The following FANCI variants were observed in gnomAD, a reference collection of about 807,000 sequenced individuals.
FANCI encodes FA complementation group I, also known as Fanconi anemia group I protein.
FANCI carries 156 observed loss-of-function variants against 176.1 expected under a neutral mutation model. That is an observed-to-expected ratio of 0.89 (90% CI 0.78 to 1.01). The LOEUF is 1.01. Among genes scored for constraint, FANCI ranks in the 50% least tolerant of loss-of-function variants. The pLI is 0.00. For synonymous variants in FANCI, 613 were observed against 541.7 expected, an observed-to-expected ratio of 1.13 and a Z score of -1.83; for missense variants, 1,678 against 1,534.1, an observed-to-expected ratio of 1.09 and a Z score of -1.57.
At chr15:89,254,571 A>G (rs2052412592) in intron 2 of FANCI, among the ~76,000 whole-genome samples, 1 of 152,168 alleles carries the variant, frequency 6.6e-6, no homozygotes, top group Non-Finnish European at 1.5e-5. Flanking sequence ...TGGGAGTTCG[A>G]GGACGGAGGA....
chr15:89,283,404 T>A (rs1347818380), intron 17 of FANCI, among the ~76,000 whole-genome samples, 154 bp downstream of exon 17: 2 of 152,208 alleles, frequency 1.3e-5, no homozygotes, highest in African/African-American at 4.8e-5. Context: ...ATGATGATGA[T>A]GATGATATTG....
intron 24 of FANCI, among the ~76,000 whole-genome samples, chr15:89,296,039 C>G (rs959189681): frequency 6.6e-6 from 1 of 152,166 alleles, no homozygotes; most frequent in Non-Finnish European, 1.5e-5. Context: ...GTGATCTTGG[C>G]TTACTGCAAC....
chr15:89,255,013 C>G (rs1267653029), intron 2 of FANCI, among the ~76,000 whole-genome samples: 2 of 152,188 alleles, frequency 1.3e-5, no homozygotes, highest in Non-Finnish European at 2.9e-5. Flanking sequence ...TATTCCAACT[C>G]TCCCCAGTAA....
At chr15:89,305,438 T>A in intron 30 of FANCI, 29 bp downstream of exon 30, 1 of 1,613,046 alleles carries the variant, frequency 6.2e-7, no homozygotes, top group Non-Finnish European at 8.5e-7. Flanking sequence ...CCATGGGGAA[T>A]AGCTTTGTCA....
intron 22 of FANCI, 114 bp from the exon 23 acceptor site, chr15:89,293,719 A>T: frequency 9.6e-7 from 1 of 1,045,446 alleles, no homozygotes; most frequent in Non-Finnish European, 1.5e-6. Context: ...TTCATTTATA[A>T]TGTTACGTCT....
chr15:89,268,651 C>CTT lies in FANCI; in HGVS notation c.882+138_882+139dup, dbSNP rs550024879. Reference sequence around the variant, plus strand: ...AAATGACCCTGGGTGTGGAGGATCTCTTTTTTTTTTTTTACTTTAAAAGTG... The same window carrying CTT: ...AAATGACCCTGGGTGTGGAGGATCTCTTTTTTTTTTTTTTTACTTTAAAAGTG... On this transcript the variant is annotated intron_variant, in intron 10 of 37. Coordinates refer to ENST00000310775, the MANE Select transcript of FANCI (RefSeq NM_001113378.2). The CTT allele has an allele frequency of 1.9e-3, 1,811 of 935,448 alleles. 7 individuals are homozygous for CTT. Among genetic ancestry groups the CTT allele is most frequent in the East Asian group, 0.011 (375 of 35,396 alleles). 57.9% of individuals were successfully genotyped at this position (935,448 alleles called of 1,614,324 possible).
At chr15:89,244,279 G>C (rs3743380) in intron 1 of FANCI, 99,131 of 152,346 alleles carry the variant, frequency 0.65, 32,416 homozygotes, top group South Asian at 0.72. Flanking sequence ...CCTTGGCCGA[G>C]GGTGAGCTCT....
intron 28 of FANCI, 92 bp from the exon 29 acceptor site, chr15:89,305,023 G>A (rs561159408): frequency 4.5e-5 from 67 of 1,482,138 alleles, no homozygotes; most frequent in Middle Eastern, 1.8e-4. Flanking sequence ...TGATCCACCC[G>A]CCTTGGCCTC....
At chr15:89,310,621 C>T (rs897390392) in intron 34 of FANCI, among the ~76,000 whole-genome samples, 7 of 152,332 alleles carry the variant, frequency 4.6e-5, no homozygotes, top group South Asian at 4.1e-4. Context: ...TTAATGAGTG[C>T]CCCCTGGGCA....
intron 3 of FANCI, 135 bp from the exon 4 acceptor site, chr15:89,260,578 C>A: frequency 8.8e-7 from 1 of 1,142,008 alleles, no homozygotes; most frequent in Non-Finnish European, 1.3e-6. Context: ...TTAACCATTG[C>A]TGTTCTAAGC....
Position 89,316,672 on chromosome 15 carries a change from C to G in FANCI, c.*213C>G. Reference sequence around the variant, plus strand: ...TAGGCAAGCCCTTTTGCAAAAAGCACAGCTGAAAGCCTGAGTTTGGGAGCC... The same window carrying G: ...TAGGCAAGCCCTTTTGCAAAAAGCAGAGCTGAAAGCCTGAGTTTGGGAGCC... On this transcript the variant is annotated 3_prime_UTR_variant, in exon 38 of 38. Coordinates refer to ENST00000310775, the MANE Select transcript of FANCI (RefSeq NM_001113378.2). 1 of 1,314,280 alleles carries G rather than the reference C, an allele frequency of 7.6e-7. No individual in the cohort carries two copies. The highest frequency in any genetic ancestry group is 1.1e-6 in the Non-Finnish European group (1 of 910,154). The allele number at this position is 1,314,280 out of a possible 1,614,324, so 81.4% of individuals were successfully genotyped here. A position where few individuals can be genotyped will look rare whatever the true frequency, so the allele number is the denominator to read the frequency against.
In FANCI at chr15:89,283,214, A is replaced by G. The variant is rs1596287918; in HGVS notation, c.1662A>G (p.Ser554=). The change falls in exon 17 of 38, where the codon TCA becomes TCG. Residue 554 remains serine, a synonymous_variant. Coordinates refer to ENST00000310775, the MANE Select transcript of FANCI (RefSeq NM_001113378.2). ...ACTTTAAAGTTTTAGGCAGCCTGTC[A>G]TCCTCTCAGTGCAGTCAGTCTCTCA... ...LKNFKVLGSL[S]SSQCSQSLSV... is the part of the protein sequence containing the mutation. 5.0e-6 allele frequency: 8 copies of G among 1,614,130 alleles called. No individual in the cohort carries two copies. In the African/African-American group the frequency reaches 9.3e-5, roughly 19 times the overall value.
At chr15:89,282,107 A>T in intron 16 of FANCI, 1 of 422,556 alleles carries the variant, frequency 2.4e-6, no homozygotes, top group Non-Finnish European at 4.4e-6. Flanking sequence ...ACTTTCCAAA[A>T]GTAAAACAGT....
chr15:89,299,847 C>T lies in FANCI; in HGVS notation c.2684C>T (p.Ser895Leu), dbSNP rs762647324. The T allele has an allele frequency of 9.9e-6, 16 of 1,613,334 alleles. No homozygotes were observed. The Admixed American group carries it at 1.2e-4, about 12-fold the overall frequency. ...YTSIPTSVEE[S>L]GKKEKGKSIS... ...TCAATTCCTACTTCAGTGGAAGAGT[C>T]GGGAAAGAAAGAGAAAGGAAAGAGC... Residue 895 changes from serine to leucine, a missense_variant, in exon 25 of 38, where the codon TCG becomes TTG. Transcript: ENST00000310775.
At chr15:89,300,826 C>T (rs1390222005) in intron 26 of FANCI, among the ~76,000 whole-genome samples, 1 of 152,186 alleles carries the variant, frequency 6.6e-6, no homozygotes, top group Non-Finnish European at 1.5e-5. Context: ...TTCTGAAGTT[C>T]CTACCATGTG....
At position 89,312,894 on chromosome 15, in the gene FANCI, A is replaced by T. The variant is rs202231175; in HGVS notation, c.3652-10A>T. On this transcript the variant is annotated splice_polypyrimidine_tract_variant and intron_variant, in intron 34 of 37. Coordinates refer to ENST00000310775, the MANE Select transcript of FANCI (RefSeq NM_001113378.2). Reference sequence around the variant, plus strand: ...ATCAGGAATAAGAGAATGTGTTTCTATTTCTTTAGAATAAGAGTAAGAGCC... The same window carrying T: ...ATCAGGAATAAGAGAATGTGTTTCTTTTTCTTTAGAATAAGAGTAAGAGCC... 1.8e-5 allele frequency: 29 copies of T among 1,608,460 alleles called. No individual in the cohort carries two copies. The African/African-American group carries it at 3.3e-4, about 19-fold the overall frequency.
chr15:89,315,242 A>G, intron 36 of FANCI, 40 bp from the exon 37 acceptor site: 2 of 1,459,824 alleles, frequency 1.4e-6, no homozygotes, highest in Non-Finnish European at 9.6e-7. Context: ...GGCAGGACCT[A>G]TGAGTAGGGA....
intron 18 of FANCI, among the ~76,000 whole-genome samples, chr15:89,287,106 T>C (rs1240422243): frequency 2.0e-5 from 3 of 150,872 alleles, no homozygotes; most frequent in Non-Finnish European, 4.4e-5. Flanking sequence ...CCCAAGTAGC[T>C]GGGACTATAG....
In FANCI at chr15:89,303,912, C is replaced by G; in HGVS notation, c.3055C>G (p.Arg1019Gly). ...WTSKICKENS[R>G]EDALFCKSLM... ...ATCAAAGATTTGCAAGGAAAACAGC[C>G]GGGGTAAGTTTACTGCCATGTTTTC... Residue 1019 changes from arginine to glycine, a missense_variant, in exon 28 of 38, where the codon CGG becomes GGG. Around this residue, in one of 3 missense-constraint regions of FANCI, gnomAD observed 1,204 missense variants for 1,077.4 expected, o/e 1.12. Transcript: ENST00000310775. 1 of 1,613,728 alleles carries G rather than the reference C, an allele frequency of 6.2e-7. No homozygotes were observed.
Sources: gnomAD v4.1 joint callset for allele counts (sites outside exome capture counted in the v4.1 genomes callset) on GRCh38, gnomAD v4.1.1 for gene constraint, gnomAD v4.1.1 regional missense constraint, MANE v1.5 for transcripts, NCBI Gene and HGNC (gene_info 2026-07-23, HGNC 2026-07-21) for gene names.